The following MFN1 variants were observed in gnomAD, a reference collection of about 807,000 sequenced individuals.
The protein encoded by MFN1 is mitofusin-1.
In MFN1, 65 loss-of-function variants were observed where a neutral mutation model predicts 92.4. That is an observed-to-expected ratio of 0.70 (90% CI 0.58 to 0.86). MFN1 has a LOEUF of 0.86. Ranked by LOEUF, MFN1 falls within the 40% of genes least tolerant of loss-of-function variation. The pLI is 0.00. For missense variants in MFN1, 781 were observed against 868.0 expected (o/e 0.90, Z 1.26); for synonymous variants, 297 against 300.9 (o/e 0.99, Z 0.13).
At chr3:179,370,366 A>G (rs1451437468) in intron 9 of MFN1, among the ~76,000 whole-genome samples, 1 of 123,342 alleles carries the variant, frequency 8.1e-6, no homozygotes, top group African/African-American at 3.0e-5. Context: ...AATAAATATC[A>G]TTTTTGGGGT....
chr3:179,360,073 ACCTG>A (rs1181011501), intron 4 of MFN1, among the ~76,000 whole-genome samples: 1 of 151,418 alleles, frequency 6.6e-6, no homozygotes, highest in Non-Finnish European at 1.5e-5. Flanking sequence ...GCACCACCAC[ACCTG>A]CCTAATTTTT....
In MFN1 at chr3:179,359,012, T is replaced by G. The variant is rs1177739552; in HGVS notation, c.411+10T>G. On this transcript the variant is annotated intron_variant, in intron 4 of 17. Transcript: ENST00000471841. ...AAAAAAGAGTGTGAAGGTATGATCT[T>G]TAACCTTTAGCAGAATAATATACCT... 2.5e-6 allele frequency: 4 copies of G among 1,610,380 alleles called. No individual in the cohort carries two copies. The highest frequency in any genetic ancestry group is 3.4e-6 in the Non-Finnish European group (4 of 1,178,224).
rs35893655 is a variant in MFN1, at chr3:179,385,554, C to CTTT, written c.1663-8_1663-6dup. On this transcript the variant is annotated splice_polypyrimidine_tract_variant and intron_variant, in intron 14 of 17. Transcript: ENST00000471841. ...TTAAGTGTAATCTTTTTTCCTTTCT[C>CTTT]TTTTTTTTTGGCAGCTCCCTAGATC... The CTTT allele has an allele frequency of 1.0e-3, 1,451 of 1,430,578 alleles. No homozygotes were observed. The highest frequency in any genetic ancestry group is 7.2e-3 in the East Asian group (281 of 39,152). The allele number at this position is 1,430,578 out of a possible 1,614,324, so 88.6% of individuals were successfully genotyped here.
chr3:179,367,931 A>G (rs879792765), intron 8 of MFN1, 105 bp from the exon 9 acceptor site: 2 of 520,168 alleles, frequency 3.8e-6, no homozygotes, highest in Non-Finnish European at 5.2e-6. Context: ...CTCGGGGGAA[A>G]AAGTATATAT....
rs373892801 is a variant in MFN1, at chr3:179,364,387, A to G, written c.627A>G (p.Glu209=). 4 of 1,608,536 alleles carry G rather than the reference A, an allele frequency of 2.5e-6. No homozygotes were observed. Among genetic ancestry groups the G allele is most frequent in the Middle Eastern group, 3.3e-4 (2 of 6,054 alleles). The part of the protein sequence containing the change: ...ADVFVLVANS[E]STLMNTEKHF... ...TCTTTGTTTTGGTCGCAAACTCTGA[A>G]TCAACACTAATGAATACGGTAGGAT... Residue 209 remains glutamate (E), a synonymous_variant, in exon 6 of 18, where the codon GAA becomes GAG. Coordinates refer to ENST00000471841, the MANE Select transcript of MFN1 (RefSeq NM_033540.3).
intron 1 of MFN1, 135 bp downstream of exon 1, chr3:179,347,945 G>C (rs1469133197): frequency 6.6e-6 from 1 of 152,296 alleles, no homozygotes; most frequent in African/African-American, 2.4e-5. Flanking sequence ...TGGGAAAGGA[G>C]AGAGCCAGCT....
At chr3:179,378,319 G>T in intron 12 of MFN1, 22 bp from the exon 13 acceptor site, 2 of 1,491,932 alleles carry the variant, frequency 1.3e-6, no homozygotes, top group Non-Finnish European at 1.8e-6. Context: ...AAAATAATAT[G>T]GATATTTACC....
In MFN1 at chr3:179,385,595, C is replaced by T. The variant is rs560865164; in HGVS notation, c.1689C>T (p.Pro563=). ...FQLPRSLAST[P]TAPTTPATPD... The stretch of plus-strand genomic sequence containing the variant: ...TCCCTAGATCTTTAGCTTCTACTCC[C>T]ACTGCTCCTACCACTCCAGCAACGC... Residue 563 remains proline, a synonymous_variant, in exon 15 of 18, where the codon CCC becomes CCT. Coordinates refer to ENST00000471841, the MANE Select transcript of MFN1 (RefSeq NM_033540.3). 4 of 1,611,702 alleles carry T rather than the reference C, an allele frequency of 2.5e-6. No homozygotes were observed. In the African/African-American group the frequency reaches 4.0e-5, roughly 16 times the overall value.
At chr3:179,352,560 A>G (rs984141083) in intron 3 of MFN1, among the ~76,000 whole-genome samples, 8 of 152,192 alleles carry the variant, frequency 5.3e-5, no homozygotes, top group Non-Finnish European at 1.2e-4. Flanking sequence ...TTGCCCAGTA[A>G]TGGCATCTCC....
rs371131291 is a variant in MFN1, at chr3:179,364,445, A to C, written c.645+40A>C. 5.1e-5 allele frequency: 71 copies of C among 1,399,596 alleles called. No homozygotes were observed. In the African/African-American group the frequency reaches 8.9e-4, roughly 18 times the overall value. 86.7% of individuals were successfully genotyped at this position (1,399,596 alleles called of 1,614,324 possible). A position where few individuals can be genotyped will look rare whatever the true frequency, so the allele number is the denominator to read the frequency against. On this transcript the variant is annotated intron_variant, in intron 6 of 17. Transcript: ENST00000471841. ...TATTATTGTGTTTCGATGGTAGGAA[A>C]TGAAATGGTATCTGTTTTAATTCTG...
chr3:179,387,321 G>A lies in MFN1; in HGVS notation c.2012+692G>A, dbSNP rs919176320. On this transcript the variant is annotated intron_variant, in intron 16 of 17. Transcript: ENST00000471841. Reference sequence around the variant, plus strand: ...AGCACATTGGGAGGCTGAGGCAGGCGGATCACTTGAGGTCGGGAGTTCGAG... The same window carrying A: ...AGCACATTGGGAGGCTGAGGCAGGCAGATCACTTGAGGTCGGGAGTTCGAG... Among the ~76,000 whole-genome samples the A allele has an allele frequency of 5.3e-5, 8 of 152,184 alleles. No homozygotes were observed. The South Asian group carries it at 8.3e-4, about 16-fold the overall frequency.
chr3:179,391,340 T>G (rs1203546929), intron 17 of MFN1, among the ~76,000 whole-genome samples: 1 of 152,174 alleles, frequency 6.6e-6, no homozygotes, highest in Non-Finnish European at 1.5e-5. Context: ...TAATCATTTT[T>G]CTAATAGAAA....
rs1344945921 is a variant in MFN1, at chr3:179,390,218, A to G, written c.2147+80A>G. ...TATGTAAAATTATTAATGAATTTGT[A>G]TTCATTCCTAATAGCTTTTTGTGTT... On this transcript the variant is annotated intron_variant, in intron 17 of 17. Transcript: ENST00000471841. 3 of 1,178,332 alleles carry G rather than the reference A, an allele frequency of 2.5e-6. No individual in the cohort carries two copies. In the African/African-American group the frequency reaches 4.9e-5, roughly 19 times the overall value. The allele number at this position is 1,178,332 out of a possible 1,614,324, so 73.0% of individuals were successfully genotyped here.
rs1026729206 is a variant in MFN1 at position 179,368,508 on chromosome 3, A to G, written c.975+405A>G. Among the ~76,000 whole-genome samples the G allele has an allele frequency of 4.6e-5, 7 of 152,362 alleles. No individual in the cohort carries two copies. In the South Asian group the frequency reaches 1.5e-3, roughly 32 times the overall value. ...TTTGTGCCGCATGACTAATAGAAGT[A>G]TACAAAACATGATTAATGCCATTTG... is the stretch of plus-strand genomic sequence containing the variant. On this transcript the variant is annotated intron_variant, in intron 9 of 17. Coordinates refer to ENST00000471841, the MANE Select transcript of MFN1 (RefSeq NM_033540.3).
In MFN1 at chr3:179,355,386, G is replaced by C. The variant is rs143133223; in HGVS notation, c.248+3351G>C. ...CTCATCCTCATTTTAACCAGCCCCT[G>C]TTCAAGATGGAGTTGCTCTGCTTCA... On this transcript the variant is annotated intron_variant, in intron 3 of 17. Transcript: ENST00000471841. 1.8e-3 allele frequency among the ~76,000 whole-genome samples: 267 copies of C among 152,214 alleles called. 3 individuals are homozygous for C. Among genetic ancestry groups the C allele is most frequent in the African/African-American group, 6.0e-3 (251 of 41,538 alleles).
chr3:179,352,849 T>A (rs1712201482), intron 3 of MFN1, among the ~76,000 whole-genome samples: 1 of 151,940 alleles, frequency 6.6e-6, no homozygotes, highest in Non-Finnish European at 1.5e-5. Context: ...CATCCCGGGT[T>A]CAAGCGATTC....
chr3:179,372,282 G>A (rs1713054978), intron 9 of MFN1, among the ~76,000 whole-genome samples: 1 of 151,190 alleles, frequency 6.6e-6, no homozygotes, highest in Non-Finnish European at 1.5e-5. Flanking sequence ...TGGCAGTGAT[G>A]AGTAGCATGT....
chr3:179,380,594 C>CA (rs1364283884), intron 14 of MFN1, among the ~76,000 whole-genome samples: 1 of 152,198 alleles, frequency 6.6e-6, no homozygotes, highest in Non-Finnish European at 1.5e-5. Flanking sequence ...GACAACTATT[C>CA]TGCTCATCGT....
intron 9 of MFN1, among the ~76,000 whole-genome samples, chr3:179,373,500 G>A (rs1713101174): frequency 6.6e-6 from 1 of 151,872 alleles, no homozygotes; most frequent in Non-Finnish European, 1.5e-5. Flanking sequence ...TGAATTCATT[G>A]GAGTATCAGA....
Sources: allele counts gnomAD v4.1 joint callset (sites outside exome capture counted in the v4.1 genomes callset), GRCh38; gene constraint gnomAD v4.1.1; transcripts MANE v1.5; gene names NCBI Gene and HGNC (gene_info 2026-07-23, HGNC 2026-07-21).